Variants in ST7L observed in about 807,000 individuals in gnomAD.
ST7L encodes the protein suppressor of tumorigenicity 7 protein-like.
Under a neutral mutation model 72.5 loss-of-function variants are expected in ST7L, and 57 were observed. The ratio of observed to expected loss-of-function variants is 0.79; its 90% CI spans 0.64 to 0.98. ST7L has a LOEUF of 0.98. Ranked by LOEUF, ST7L falls within the 50% of genes least tolerant of loss-of-function variation. The probability of loss-of-function intolerance (pLI) is 0.00; values close to 1 mark genes in which losing one functional copy is unlikely to be tolerated. For missense variants in ST7L, 576 were observed against 672.2 expected, an observed-to-expected ratio of 0.86 and a Z score of 1.58; for synonymous variants, 221 against 240.9, an observed-to-expected ratio of 0.92 and a Z score of 0.77.
At chr1:112,557,989 G>T (rs1182873127) in intron 11 of ST7L, among the ~76,000 whole-genome samples, 1 of 152,158 alleles carries the variant, frequency 6.6e-6, no homozygotes, top group Non-Finnish European at 1.5e-5. Context: ...AAATGTACTT[G>T]TTATATGTAG....
At chr1:112,612,571 G>GC (rs1558062065) in intron 2 of ST7L, among the ~76,000 whole-genome samples, 1 of 151,966 alleles carries the variant, frequency 6.6e-6, no homozygotes, top group East Asian at 1.9e-4. Context: ...CTGACTACAT[G>GC]CCACAACGTT....
intron 6 of ST7L, 38 bp downstream of exon 6, chr1:112,591,487 T>C: frequency 1.3e-6 from 2 of 1,573,700 alleles, no homozygotes; most frequent in Non-Finnish European, 1.7e-6. Flanking sequence ...CTTGGTTTCC[T>C]TCAAAATAAA....
At chr1:112,556,088 A>T in intron 11 of ST7L, 70 bp from the exon 12 acceptor site, 1 of 1,171,772 alleles carries the variant, frequency 8.5e-7, no homozygotes, top group Non-Finnish European at 1.1e-6. Context: ...GTTAAATTCA[A>T]ACACCCACAA....
chr1:112,539,680 GAAAAA>G, intron 14 of ST7L: 1 of 597,634 alleles, frequency 1.7e-6, no homozygotes, highest in Non-Finnish European at 2.0e-6. Flanking sequence ...AAAAGAAAAA[GAAAAA>G]GAAAAGAAAG....
At chr1:112,548,910 TTGAC>T (rs1169333617) in intron 13 of ST7L, among the ~76,000 whole-genome samples, 1 of 152,192 alleles carries the variant, frequency 6.6e-6, no homozygotes, top group Non-Finnish European at 1.5e-5. Context: ...TTCTAGTTCT[TTGAC>T]TGCTCTTTTT....
At chr1:112,613,430 G>A (rs1669373351) in intron 2 of ST7L, among the ~76,000 whole-genome samples, 1 of 152,154 alleles carries the variant, frequency 6.6e-6, no homozygotes, top group Non-Finnish European at 1.5e-5. Flanking sequence ...CTGGTAACTG[G>A]CAGAGCTGGG....
At chr1:112,600,684 C>T (rs1667247262) in intron 4 of ST7L, 110 bp downstream of exon 4, 1 of 871,306 alleles carries the variant, frequency 1.1e-6, no homozygotes, top group African/African-American at 1.7e-5. Flanking sequence ...TATCATAGAC[C>T]AGTATCTTCT....
At chr1:112,568,928 G>C (rs79706513) in intron 11 of ST7L, among the ~76,000 whole-genome samples, 20 of 145,380 alleles carry the variant, frequency 1.4e-4, no homozygotes, top group Non-Finnish European at 2.9e-4. Flanking sequence ...ACATATATCT[G>C]TCCAAAGAAA....
chr1:112,582,996 A>G (rs1292395278), intron 7 of ST7L, among the ~76,000 whole-genome samples: 1 of 152,198 alleles, frequency 6.6e-6, no homozygotes, highest in African/African-American at 2.4e-5. Flanking sequence ...GAGCTAACAA[A>G]TATTTCTGTA....
chr1:112,611,007 T>C lies in ST7L; in HGVS notation c.289-4A>G. 4 of 1,613,000 alleles carry C rather than the reference T, an allele frequency of 2.5e-6. No individual in the cohort carries two copies. The highest frequency in any genetic ancestry group is 1.3e-5 in the African/African-American group (1 of 74,976). The stretch of plus-strand genomic sequence containing the variant: ...GGAAGTACCACCATTCAAATATCTA[T>C]GACAAACAGAAAATATCCTGCACTT... On this transcript the variant is annotated splice_region_variant and splice_polypyrimidine_tract_variant and intron_variant, in intron 2 of 14. Transcript: ENST00000358039.
chr1:112,617,068 T>C (rs1669998648), intron 1 of ST7L, 173 bp from the exon 2 acceptor site: 1 of 396,400 alleles, frequency 2.5e-6, no homozygotes, highest in Admixed American at 4.5e-5. Context: ...GGCTTATCAC[T>C]ATTTGCAACA....
intron 11 of ST7L, chr1:112,571,332 G>GA (rs1557998361): frequency 2.2e-6 from 1 of 456,256 alleles, no homozygotes; most frequent in East Asian, 6.9e-5. Flanking sequence ...TAGTTGAGGG[G>GA]AAAATGGGTA....
At chr1:112,563,312 G>A (rs1189172103) in intron 11 of ST7L, among the ~76,000 whole-genome samples, 1 of 152,074 alleles carries the variant, frequency 6.6e-6, no homozygotes, top group Non-Finnish European at 1.5e-5. Flanking sequence ...GAGGCAGTTT[G>A]GCAGTTTGAA....
At chr1:112,616,692 G>T in intron 2 of ST7L, 121 bp downstream of exon 2, 2 of 607,582 alleles carry the variant, frequency 3.3e-6, no homozygotes, top group Non-Finnish European at 5.7e-6. Context: ...GCAGTGAGCC[G>T]AGATCATGCC....
intron 1 of ST7L, 36 bp downstream of exon 1, chr1:112,618,873 C>A (rs767187939): frequency 3.7e-5 from 58 of 1,546,980 alleles, no homozygotes; most frequent in Non-Finnish European, 5.0e-5. Flanking sequence ...TCTCTCCTGG[C>A]CCCCCGCCCT....
At chr1:112,558,209 T>C (rs191440635) in intron 11 of ST7L, among the ~76,000 whole-genome samples, 265 of 152,318 alleles carry the variant, frequency 1.7e-3, no homozygotes, top group African/African-American at 6.2e-3. Context: ...TTAACTTCTC[T>C]TATAAAATAT....
intron 11 of ST7L, among the ~76,000 whole-genome samples, chr1:112,560,928 A>G (rs1571022198): frequency 6.6e-6 from 1 of 151,066 alleles, no homozygotes; most frequent in Admixed American, 6.7e-5. Context: ...GTGCCATTGC[A>G]CTCCAGCCTG....
chr1:112,539,810 G>T, intron 14 of ST7L: 1 of 985,326 alleles, frequency 1.0e-6, no homozygotes, highest in Non-Finnish European at 1.2e-6. Flanking sequence ...TTAGCTTTTA[G>T]GGTTTTAAAA....
Position 112,550,671 on chromosome 1 carries a change from C to T in ST7L, c.1419G>A (p.Pro473=), listed in dbSNP as rs148639237. 55 of 1,612,898 alleles carry T rather than the reference C, an allele frequency of 3.4e-5. No homozygotes were observed. In the South Asian group the frequency reaches 4.3e-4, roughly 13 times the overall value. The part of the protein sequence containing the change: ...WEGTFRMIPY[P]LEKGHLFYPY... ...GGTAAAATAGATGTCCTTTCTCTAA[C>T]GGGTATGGAATCATTCTAAAAGCTG... The change falls in exon 13 of 15, where the codon CCG becomes CCA. Residue 473 remains proline (P), a synonymous_variant. Transcript: ENST00000358039.
Sources: allele counts gnomAD v4.1 joint callset (sites outside exome capture counted in the v4.1 genomes callset), GRCh38; gene constraint gnomAD v4.1.1; transcripts MANE v1.5; gene names NCBI Gene and HGNC (gene_info 2026-07-23, HGNC 2026-07-21).